BLNK: variants seen among roughly 807,000 people sequenced by gnomAD.
BLNK encodes B-cell linker protein.
Under a neutral mutation model 73.5 loss-of-function variants are expected in BLNK, and 29 were observed. That is an observed-to-expected ratio of 0.39 (90% CI 0.29 to 0.54). The LOEUF (loss-of-function observed/expected upper bound fraction) is 0.54. BLNK is among the 20% of genes least tolerant of loss of function. The pLI, the probability that BLNK is intolerant of heterozygous loss-of-function variation, is 0.61. For missense variants in BLNK, 460 were observed against 562.8 expected (o/e 0.82, Z 1.85); for synonymous variants, 176 against 200.8 (o/e 0.88, Z 1.04).
chr10:96,209,857 A>T lies in BLNK; in HGVS notation c.727T>A (p.Ser243Thr). Reference protein sequence around the residue: ...ETKSPPPAAPSPLPRAGKKPT... With the variant: ...ETKSPPPAAPTPLPRAGKKPT... Reference sequence around the variant, plus strand: ...ACTTACCCGGCCCGTGGCAACGGGGATGGTGCAGCTGGTGGAGGTGACTTG... The same window carrying T: ...ACTTACCCGGCCCGTGGCAACGGGGTTGGTGCAGCTGGTGGAGGTGACTTG... Residue 243 changes from serine to threonine, a missense_variant, in exon 9 of 17, where the codon TCC becomes ACC. Ser to Thr is a moderately conservative substitution (Grantham distance 58). Coordinates refer to ENST00000224337, the MANE Select transcript of BLNK (RefSeq NM_013314.4). 1 of 1,614,196 alleles carries T rather than the reference A, an allele frequency of 6.2e-7. No individual in the cohort carries two copies. The highest frequency in any genetic ancestry group is 1.1e-5 in the South Asian group (1 of 91,084).
intron 10 of BLNK, 55 bp from the exon 11 acceptor site, chr10:96,207,108 A>C: frequency 1.4e-6 from 2 of 1,453,668 alleles, no homozygotes; most frequent in Non-Finnish European, 1.9e-6. Flanking sequence ...GTGGAAATAA[A>C]TGTCAGAGCA....
chr10:96,215,540 C>G, intron 7 of BLNK, 151 bp from the exon 8 acceptor site: 1 of 613,888 alleles, frequency 1.6e-6, no homozygotes, highest in Non-Finnish European at 2.8e-6. Flanking sequence ...ATTAGACACA[C>G]AAACCAATAA....
intron 1 of BLNK, among the ~76,000 whole-genome samples, chr10:96,261,758 G>A (rs1273895067): frequency 6.6e-6 from 1 of 152,060 alleles, no homozygotes; most frequent in East Asian, 1.9e-4. Context: ...TAGTTCTCAT[G>A]TTTGTATGTG....
chr10:96,193,869 T>A (rs1282339896), intron 16 of BLNK, among the ~76,000 whole-genome samples: 2 of 152,220 alleles, frequency 1.3e-5, no homozygotes, highest in African/African-American at 4.8e-5. Context: ...ATGATTGACA[T>A]CATGTAACCA....
chr10:96,230,056 C>T (rs587652263), intron 4 of BLNK, among the ~76,000 whole-genome samples: 2 of 152,264 alleles, frequency 1.3e-5, no homozygotes, highest in African/African-American at 4.8e-5. Flanking sequence ...CTAAAACTCA[C>T]AGGTTGGAGC....
chr10:96,216,811 A>G, intron 6 of BLNK, 77 bp from the exon 7 acceptor site: 4 of 1,243,998 alleles, frequency 3.2e-6, no homozygotes, highest in Non-Finnish European at 4.7e-6. Context: ...TGATTTTTTT[A>G]AAAAGCATTA....
Position 96,216,734 on chromosome 10 carries a change from C to T in BLNK, c.526G>A (p.Ala176Thr). The T allele has an allele frequency of 1.9e-6, 3 of 1,613,506 alleles. No homozygotes were observed. In the South Asian group the frequency reaches 3.3e-5, roughly 18 times the overall value. Residue 176 changes from alanine to threonine, a missense_variant and splice_region_variant, in exon 7 of 17, where the codon GCT becomes ACT. By Grantham distance (58) the Ala-to-Thr change is moderately conservative (BLOSUM62 0). This residue lies in a region of BLNK where 233 missense variants were observed against 232.1 expected (regional missense o/e 1.00). Transcript: ENST00000224337. The part of the protein sequence containing the change: ...PKPKGLLEDE[A>T]DYVVPVEDND... ...TCTTCCACGGGGACCACATAATCAGCCTAACAGAAATACAAAACTGAATGA... is the reference window on the plus strand; with the variant it reads ...TCTTCCACGGGGACCACATAATCAGTCTAACAGAAATACAAAACTGAATGA...
intron 4 of BLNK, among the ~76,000 whole-genome samples, chr10:96,229,654 C>CTT (rs1554903568): frequency 7.0e-6 from 1 of 142,586 alleles, no homozygotes; most frequent in Non-Finnish European, 1.5e-5. Flanking sequence ...TTACATGTGG[C>CTT]TGTGTGTGTG....
At chr10:96,263,300 C>T (rs1236496704) in intron 1 of BLNK, among the ~76,000 whole-genome samples, 1 of 152,200 alleles carries the variant, frequency 6.6e-6, no homozygotes. Flanking sequence ...CTGCGTGTTC[C>T]CTACAATGTG....
chr10:96,201,135 T>C, intron 13 of BLNK, 77 bp from the exon 14 acceptor site: 1 of 1,295,340 alleles, frequency 7.7e-7, no homozygotes, highest in South Asian at 1.2e-5. Context: ...CCTAACACTG[T>C]ACTAGGTGCT....
At chr10:96,245,403 G>T (rs1234561090) in intron 2 of BLNK, among the ~76,000 whole-genome samples, 1 of 152,106 alleles carries the variant, frequency 6.6e-6, no homozygotes, top group Non-Finnish European at 1.5e-5. Context: ...TAGGAATTTA[G>T]CCTACTGGTA....
intron 6 of BLNK, among the ~76,000 whole-genome samples, chr10:96,220,593 G>A (rs1278892004): frequency 6.6e-6 from 1 of 152,054 alleles, no homozygotes; most frequent in Non-Finnish European, 1.5e-5. Flanking sequence ...GACATAATGT[G>A]GTCTTATTGA....
intron 1 of BLNK, among the ~76,000 whole-genome samples, chr10:96,259,497 A>C (rs1326618248): frequency 6.6e-6 from 1 of 152,038 alleles, no homozygotes; most frequent in Admixed American, 6.5e-5. Context: ...ACGCCACCAT[A>C]ATCCATGCAT....
chr10:96,232,477 A>G (rs1343175270), intron 3 of BLNK, among the ~76,000 whole-genome samples: 1 of 152,086 alleles, frequency 6.6e-6, no homozygotes, highest in Non-Finnish European at 1.5e-5. Flanking sequence ...GGGTCTCCAG[A>G]GGCACCAGCA....
chr10:96,199,253 A>C (rs1554895439), intron 15 of BLNK, among the ~76,000 whole-genome samples: 2 of 152,242 alleles, frequency 1.3e-5, no homozygotes. Context: ...TGGGAGGAGA[A>C]GAGAGAAAGA....
At chr10:96,207,670 G>A (rs1472257117) in intron 10 of BLNK, among the ~76,000 whole-genome samples, 1 of 152,224 alleles carries the variant, frequency 6.6e-6, no homozygotes, top group Non-Finnish European at 1.5e-5. Context: ...AAGTGAGGAT[G>A]AGCTCCTTCT....
intron 3 of BLNK, among the ~76,000 whole-genome samples, chr10:96,237,106 A>C (rs117359119): frequency 0.01 from 1,546 of 152,276 alleles, 17 homozygotes; most frequent in South Asian, 0.04. Flanking sequence ...TTAGTTCCCT[A>C]TGGCAGGACT....
At chr10:96,213,176 C>T (rs1331502574) in intron 8 of BLNK, among the ~76,000 whole-genome samples, 2 of 152,202 alleles carry the variant, frequency 1.3e-5, no homozygotes, top group East Asian at 1.9e-4. Context: ...TCCACAGTCT[C>T]GGCACCTCCC....
chr10:96,202,445 A>G (rs2083670500), intron 13 of BLNK, among the ~76,000 whole-genome samples: 1 of 152,228 alleles, frequency 6.6e-6, no homozygotes, highest in Admixed American at 6.5e-5. Flanking sequence ...AGGTGTGTGA[A>G]GAAAGCAAGT....
Sources: allele counts gnomAD v4.1 joint callset (sites outside exome capture counted in the v4.1 genomes callset), GRCh38; gene constraint gnomAD v4.1.1; regional missense constraint gnomAD v4.1.1; transcripts MANE v1.5; gene names NCBI Gene and HGNC (gene_info 2026-07-23, HGNC 2026-07-21).